Variants in AFP observed in about 807,000 individuals in gnomAD.
The protein encoded by AFP is alpha-fetoprotein.
Under a neutral mutation model 78.9 loss-of-function variants are expected in AFP, and 64 were observed. The ratio of observed to expected loss-of-function variants is 0.81; its 90% CI spans 0.66 to 1.00. The LOEUF is 1.00. AFP is among the 50% of genes least tolerant of loss of function. The pLI is 0.00. For missense variants in AFP, 689 were observed against 703.8 expected, an observed-to-expected ratio of 0.98 and a Z score of 0.24; for synonymous variants, 254 against 243.8, an observed-to-expected ratio of 1.04 and a Z score of -0.39.
At chr4:73,449,915 T>C (rs1719936131) in intron 9 of AFP, 121 bp from the exon 10 acceptor site, 3 of 678,960 alleles carry the variant, frequency 4.4e-6, no homozygotes, top group South Asian at 3.9e-5. Context: ...CACTTTACCA[T>C]ATTTAATATT....
Position 73,436,258 on chromosome 4 carries a change from C to T in AFP, c.-5C>T. 6.3e-7 allele frequency: 1 copy of T among 1,586,534 alleles called. No individual in the cohort carries two copies. Among genetic ancestry groups the T allele is most frequent in the Non-Finnish European group, 8.6e-7 (1 of 1,156,334 alleles). On this transcript the variant is annotated 5_prime_UTR_variant, in exon 1 of 15. Coordinates refer to ENST00000395792, the MANE Select transcript of AFP (RefSeq NM_001134.3). ...CCACTGCCAATAACAAAATAACTAGCAACCATGAAGTGGGTGGAATCAATT... is the reference window on the plus strand; with the variant it reads ...CCACTGCCAATAACAAAATAACTAGTAACCATGAAGTGGGTGGAATCAATT...
At position 73,449,433 on chromosome 4, in the gene AFP, A is replaced by G. The variant is rs750100359; in HGVS notation, c.1157A>G (p.Gln386Arg). ...GYQELLEKCF[Q>R]TENPLECQDK... ...CAGGAGTTATTGGAGAAGTGTTTCC[A>G]GACTGAAAACCCTCTTGAATGCCAA... Residue 386 changes from glutamine to arginine, a missense_variant, in exon 9 of 15, where the codon CAG becomes CGG. Transcript: ENST00000395792. 3 of 1,613,648 alleles carry G rather than the reference A, an allele frequency of 1.9e-6. No individual in the cohort carries two copies. In the South Asian group the frequency reaches 3.3e-5, roughly 18 times the overall value.
rs1343565731 is a variant in AFP, at chr4:73,450,147, A to C, written c.1289+14A>C. 3 of 1,580,564 alleles carry C rather than the reference A, an allele frequency of 1.9e-6. No homozygotes were observed. The African/African-American group carries it at 4.0e-5, about 21-fold the overall frequency. On this transcript the variant is annotated intron_variant, in intron 10 of 14. Transcript: ENST00000395792. ...CTTACAAAATGCGTATGTTTTTGTA[A>C]ACAGTATTTTTAGTGAATTAAAATT...
At chr4:73,438,357 A>T (rs1251016001) in intron 3 of AFP, 51 bp downstream of exon 3, 2 of 1,563,724 alleles carry the variant, frequency 1.3e-6, no homozygotes, top group South Asian at 1.2e-5. Flanking sequence ...AAAATTTAGC[A>T]TGCTGAAGAG....
rs1429897005 is a variant in AFP at position 73,455,727 on chromosome 4, G to A, written c.*107G>A. On this transcript the variant is annotated 3_prime_UTR_variant, in exon 15 of 15. Transcript: ENST00000395792. ...TTTTGTGAATTAATGAAATGATAAA[G>A]ACTTTTATGTGAGATTTCCTTATCA... The A allele has an allele frequency of 3.0e-6, 2 of 675,262 alleles. No homozygotes were observed. Among genetic ancestry groups the A allele is most frequent in the South Asian group, 1.6e-5 (1 of 61,264 alleles). The allele number at this position is 675,262 out of a possible 1,614,324, so 41.8% of individuals were successfully genotyped here. A position where few individuals can be genotyped will look rare whatever the true frequency, so the allele number is the denominator to read the frequency against.
intron 10 of AFP, among the ~76,000 whole-genome samples, chr4:73,450,374 A>G (rs1719955273): frequency 6.6e-6 from 1 of 152,240 alleles, no homozygotes; most frequent in African/African-American, 2.4e-5. Context: ...GGTTGAGAAT[A>G]CAAGTCAGGC....
In AFP at chr4:73,447,619, T is replaced by C. The variant is rs368783558; in HGVS notation, c.1001T>C (p.Leu334Ser). ...CTATCTCCAAATCTAAACAGGTTTT[T>C]AGGAGATAGAGATTTTAACCAATTT... is the stretch of plus-strand genomic sequence containing the variant. ...EGLSPNLNRF[L>S]GDRDFNQFSS... The change falls in exon 8 of 15, where the codon TTA (leucine) becomes TCA (serine). Residue 334 changes from leucine to serine, a missense_variant. Coordinates refer to ENST00000395792, the MANE Select transcript of AFP (RefSeq NM_001134.3). 2.2e-5 allele frequency: 36 copies of C among 1,611,930 alleles called. No homozygotes were observed. In the African/African-American group the frequency reaches 3.9e-4, roughly 17 times the overall value.
chr4:73,447,084 G>A (rs536201980), intron 7 of AFP, among the ~76,000 whole-genome samples: 129 of 152,194 alleles, frequency 8.5e-4, no homozygotes, highest in South Asian at 4.4e-3. Flanking sequence ...GATTTGTGTA[G>A]CACTTAGGAC....
At chr4:73,453,661 T>C in intron 12 of AFP, 104 bp from the exon 13 acceptor site, 4 of 1,346,360 alleles carry the variant, frequency 3.0e-6, no homozygotes, top group Non-Finnish European at 4.2e-6. Flanking sequence ...GATAGGTTGA[T>C]GGAGTAAGGG....
intron 11 of AFP, among the ~76,000 whole-genome samples, chr4:73,452,199 T>G (rs1239062740): frequency 2.6e-5 from 4 of 152,210 alleles, no homozygotes; most frequent in Non-Finnish European, 5.9e-5. Flanking sequence ...TGCTACTACT[T>G]GCTAAGGCTT....
intron 12 of AFP, among the ~76,000 whole-genome samples, chr4:73,453,044 T>C (rs983115185): frequency 6.6e-6 from 1 of 152,184 alleles, no homozygotes; most frequent in Non-Finnish European, 1.5e-5. Context: ...AATTCAACCA[T>C]GCAGTTTGGG....
At chr4:73,451,460 T>G (rs1039385985) in intron 11 of AFP, among the ~76,000 whole-genome samples, 4 of 152,226 alleles carry the variant, frequency 2.6e-5, no homozygotes, top group Non-Finnish European at 5.9e-5. Context: ...TTGCTGTTAG[T>G]CTTCATGTCA....
chr4:73,447,878 G>A (rs925166003), intron 8 of AFP, among the ~76,000 whole-genome samples: 18 of 152,068 alleles, frequency 1.2e-4, no homozygotes, highest in African/African-American at 7.2e-5. Context: ...ACGGTGAAGC[G>A]TTCACCACTG....
intron 4 of AFP, among the ~76,000 whole-genome samples, chr4:73,441,106 T>C (rs933826799): frequency 4.6e-5 from 7 of 151,954 alleles, no homozygotes; most frequent in African/African-American, 1.7e-4. Context: ...CTACTCTCAA[T>C]TTTACCTTGT....
At chr4:73,453,295 C>G (rs1720060113) in intron 12 of AFP, among the ~76,000 whole-genome samples, 2 of 152,136 alleles carry the variant, frequency 1.3e-5, no homozygotes, top group South Asian at 2.1e-4. Context: ...TTTTCTATTG[C>G]TCTGGTCTAC....
intron 7 of AFP, among the ~76,000 whole-genome samples, chr4:73,446,906 G>C (rs541986966): frequency 6.6e-6 from 1 of 152,300 alleles, no homozygotes; most frequent in East Asian, 1.9e-4. Flanking sequence ...AAAGGAATGA[G>C]AAAAGGCAAA....
chr4:73,451,878 G>A lies in AFP; in HGVS notation c.1429-523G>A, dbSNP rs115633200. ...AAATATCTCCTAAGTAGGCAAGGTA[G>A]CAAGATTCTACATTAGGAAAGTCTT... On this transcript the variant is annotated intron_variant, in intron 11 of 14. Coordinates refer to ENST00000395792, the MANE Select transcript of AFP (RefSeq NM_001134.3). Among the ~76,000 whole-genome samples, 549 of 152,302 alleles carry A rather than the reference G, an allele frequency of 3.6e-3. 2 individuals carry two copies. The highest frequency in any genetic ancestry group is 0.013 in the African/African-American group (529 of 41,574).
intron 4 of AFP, among the ~76,000 whole-genome samples, chr4:73,441,096 C>G (rs975123400): frequency 1.3e-5 from 2 of 151,602 alleles, no homozygotes; most frequent in African/African-American, 4.9e-5. Flanking sequence ...TTTACCCATT[C>G]TACTCTCAAT....
intron 13 of AFP, among the ~76,000 whole-genome samples, chr4:73,454,256 GCAAA>G (rs1246284650): frequency 1.3e-5 from 2 of 151,980 alleles, no homozygotes; most frequent in Non-Finnish European, 2.9e-5. Context: ...AATTAATTGT[GCAAA>G]CAGAGTATTA....
Sources: allele counts gnomAD v4.1 joint callset (sites outside exome capture counted in the v4.1 genomes callset), GRCh38; gene constraint gnomAD v4.1.1; transcripts MANE v1.5; gene names NCBI Gene and HGNC (gene_info 2026-07-23, HGNC 2026-07-21).